ACE: variants seen among roughly 807,000 people sequenced by gnomAD.
ACE encodes angiotensin I converting enzyme.
A neutral mutation model predicts 162.3 loss-of-function variants in ACE; 122 were observed. That is an observed-to-expected ratio of 0.75 (90% CI 0.65 to 0.87). The LOEUF is 0.87. ACE is among the 40% of genes least tolerant of loss of function. ACE has a pLI of 0.00. For synonymous variants in ACE, 796 were observed against 720.6 expected (o/e 1.10, Z -1.68); for missense variants, 1,799 against 1,735.1 (o/e 1.04, Z -0.65).
rs558710175 is a variant in ACE at position 63,485,646 on chromosome 17, A to G, written c.2058+274A>G. 1.2e-3 allele frequency: 504 copies of G among 420,284 alleles called. 2 individuals are homozygous for G. Among genetic ancestry groups the G allele is most frequent in the Middle Eastern group, 2.4e-3 (3 of 1,250 alleles). 26.0% of individuals were successfully genotyped at this position (420,284 alleles called of 1,614,324 possible). A position where few individuals can be genotyped will look rare whatever the true frequency, so the allele number is the denominator to read the frequency against. ...CAAAAATTAGCCGGGTGTGGTGGCG[A>G]GCACCTGTAGTCCCAGTACTCAGGA... On this transcript the variant is annotated intron_variant, in intron 13 of 24. Transcript: ENST00000290866.
chr17:63,481,253 C>A, intron 6 of ACE, 65 bp downstream of exon 6: 1 of 1,428,910 alleles, frequency 7.0e-7, no homozygotes, highest in Non-Finnish European at 9.8e-7. Flanking sequence ...AAGGGAGTCA[C>A]AGATGGGCAC....
chr17:63,493,834 A>G lies in ACE; in HGVS notation c.3137-88A>G, dbSNP rs1054468854. 9 of 1,596,448 alleles carry G rather than the reference A, an allele frequency of 5.6e-6. No individual in the cohort carries two copies. The African/African-American group carries it at 1.1e-4, about 19-fold the overall frequency. ...GCAGGTCACAGGGCCCAAAAGGTAC[A>G]GCACCCCCACCCCTCCACCATCACA... On this transcript the variant is annotated intron_variant, in intron 20 of 24. Coordinates refer to ENST00000290866, the MANE Select transcript of ACE (RefSeq NM_000789.4).
intron 22 of ACE, 153 bp from the exon 23 acceptor site, chr17:63,496,241 C>A: frequency 2.6e-6 from 3 of 1,158,436 alleles, no homozygotes; most frequent in Non-Finnish European, 3.8e-6. Flanking sequence ...GGGAGCTCAC[C>A]CTGATAGCTG....
At chr17:63,480,223 T>A in intron 4 of ACE, 114 bp from the exon 5 acceptor site, 1 of 1,192,100 alleles carries the variant, frequency 8.4e-7, no homozygotes, top group African/African-American at 1.5e-5. Flanking sequence ...AAGCCAATTT[T>A]CCAGCTAGCT....
intron 22 of ACE, among the ~76,000 whole-genome samples, chr17:63,495,284 C>T (rs1056626538): frequency 6.6e-6 from 1 of 152,100 alleles, no homozygotes; most frequent in African/African-American, 2.4e-5. Flanking sequence ...GTTTGTGATC[C>T]GGGAGGCTCC....
Position 63,477,998 on chromosome 17 carries a change from A to C in ACE, c.317A>C (p.Glu106Ala). Residue 106 changes from glutamate (E) to alanine (A), a missense_variant, in exon 2 of 25, where the codon GAA (glutamate) becomes GCA (alanine). Physicochemically the swap from Glu to Ala is moderately radical, Grantham distance 107. Coordinates refer to ENST00000290866, the MANE Select transcript of ACE (RefSeq NM_000789.4). ...GGCCAGAAGGCCAAGGAGCTGTATG[A>C]ACCGATCTGGCAGAACTTCACGGAC... The part of the protein sequence containing the change: ...AWGQKAKELY[E>A]PIWQNFTDPQ... 6.2e-7 allele frequency: 1 copy of C among 1,612,146 alleles called. No individual in the cohort carries two copies. Among genetic ancestry groups the C allele is most frequent in the Non-Finnish European group, 8.5e-7 (1 of 1,179,432 alleles).
chr17:63,490,960 T>C lies in ACE; in HGVS notation c.2648T>C (p.Met883Thr), dbSNP rs1267969615. The change falls in exon 18 of 25, where the codon ATG becomes ACG. Residue 883 changes from methionine to threonine, a missense_variant. Transcript: ENST00000290866. ...CCCCCACACTCGCCTCCAGGGAACA[T>C]GTGGGCGCAGACCTGGTCCAACATC... ...GPIPAHLLGN[M>T]WAQTWSNIYD... is the part of the protein sequence containing the mutation. 1.2e-6 allele frequency: 2 copies of C among 1,614,148 alleles called. No homozygotes were observed. The highest frequency in any genetic ancestry group is 1.7e-5 in the Admixed American group (1 of 60,038).
Position 63,478,114 on chromosome 17 carries a change from A to C in ACE, c.417+16A>C. 2 of 1,568,508 alleles carry C rather than the reference A, an allele frequency of 1.3e-6. No individual in the cohort carries two copies. The highest frequency in any genetic ancestry group is 1.7e-6 in the Non-Finnish European group (2 of 1,156,842). On this transcript the variant is annotated intron_variant, in intron 2 of 24. Coordinates refer to ENST00000290866, the MANE Select transcript of ACE (RefSeq NM_000789.4). ...GCGGCAGCAGGTGGGCTGAGGGCTG[A>C]GGCAGAGCTCGGGGGCGGCCTCCTA...
intron 3 of ACE, 35 bp downstream of exon 3, chr17:63,479,135 C>T (rs1220410048): frequency 6.5e-7 from 1 of 1,532,052 alleles, no homozygotes; most frequent in Non-Finnish European, 8.9e-7. Context: ...CGGCGGTGCC[C>T]TAGTGTTCCC....
chr17:63,493,025 C>A (rs1351379146), intron 19 of ACE, among the ~76,000 whole-genome samples: 3 of 152,164 alleles, frequency 2.0e-5, no homozygotes, highest in Non-Finnish European at 4.4e-5. Context: ...CACTCTCACC[C>A]CTGACAGAAA....
chr17:63,483,480 G>A lies in ACE; in HGVS notation c.1508G>A (p.Cys503Tyr). 2.5e-6 allele frequency: 4 copies of A among 1,614,054 alleles called. No homozygotes were observed. In the South Asian group the frequency reaches 4.4e-5, roughly 18 times the overall value. ...TCCAGAACCAAGTATCAGGGGATCT[G>A]TCCTCCTGTTACCCGAAACGAAACC... Reference protein sequence around the residue: ...WYLRTKYQGICPPVTRNETHF... With the variant: ...WYLRTKYQGIYPPVTRNETHF... Residue 503 changes from cysteine to tyrosine, a missense_variant, in exon 10 of 25, where the codon TGT becomes TAT. Coordinates refer to ENST00000290866, the MANE Select transcript of ACE (RefSeq NM_000789.4).
chr17:63,496,721 A>G (rs2030757735), intron 23 of ACE, 77 bp from the exon 24 acceptor site: 8 of 1,594,960 alleles, frequency 5.0e-6, no homozygotes, highest in South Asian at 2.2e-5. Flanking sequence ...GGGAGTGGGT[A>G]TGGAGAGTGG....
Position 63,488,708 on chromosome 17 carries a change from G to A in ACE, c.2366G>A (p.Gly789Asp), listed in dbSNP as rs953051570. 3 of 1,613,580 alleles carry A rather than the reference G, an allele frequency of 1.9e-6. No individual in the cohort carries two copies. Among genetic ancestry groups the A allele is most frequent in the African/African-American group, 1.3e-5 (1 of 74,774 alleles). ...GAAGACCTGTTATGGGCATGGGAGG[G>A]CTGGCGAGACAAGGCGGGGAGAGCC... ...KYEDLLWAWE[G>D]WRDKAGRAIL... Residue 789 changes from glycine to aspartate, a missense_variant, in exon 16 of 25, where the codon GGC (glycine) becomes GAC (aspartate). Transcript: ENST00000290866.
intron 13 of ACE, 61 bp downstream of exon 13, chr17:63,485,433 C>G: frequency 6.2e-7 from 1 of 1,601,788 alleles, no homozygotes; most frequent in Non-Finnish European, 8.5e-7. Flanking sequence ...GATGCTGTCC[C>G]GCTCACCACA....
Position 63,497,398 on chromosome 17 carries a change from G to A in ACE, c.*32G>A, listed in dbSNP as rs1408321457. 9.8e-6 allele frequency: 15 copies of A among 1,533,062 alleles called. No homozygotes were observed. Among genetic ancestry groups the A allele is most frequent in the East Asian group, 2.4e-5 (1 of 40,824 alleles). The allele number at this position is 1,533,062 out of a possible 1,614,324, so 95.0% of individuals were successfully genotyped here. On this transcript the variant is annotated 3_prime_UTR_variant, in exon 25 of 25. Transcript: ENST00000290866. ...CCGGCTGGGTCGGCCCTGCCCAAGG[G>A]CCTCCCACCAGAGACTGGGATGGGA...
rs1229041283 is a variant in ACE at position 63,482,597 on chromosome 17, A to G, written c.1250A>G (p.His417Arg). Residue 417 changes from histidine (H) to arginine (R), a missense_variant, in exon 8 of 25, where the codon CAT (histidine) becomes CGT (arginine). Coordinates refer to ENST00000290866, the MANE Select transcript of ACE (RefSeq NM_000789.4). ...CGTCGGGGGGCCAACCCCGGCTTCC[A>G]TGAGGCCATTGGGGACGTGCTGGCG... is the stretch of plus-strand genomic sequence containing the variant. ...SLRRGANPGF[H>R]EAIGDVLALS... 4.3e-6 allele frequency: 7 copies of G among 1,613,994 alleles called. No individual in the cohort carries two copies. Among genetic ancestry groups the G allele is most frequent in the African/African-American group, 2.7e-5 (2 of 74,930 alleles).
At chr17:63,486,895 C>G in intron 14 of ACE, 91 bp from the exon 15 acceptor site, 6 of 1,477,838 alleles carry the variant, frequency 4.1e-6, no homozygotes, top group Non-Finnish European at 5.7e-6. Context: ...TGGCTCCCCA[C>G]CTGCCAGCCC....
rs1055333381 is a variant in ACE at position 63,478,065 on chromosome 17, C to T, written c.384C>T (p.Gly128=). The T allele has an allele frequency of 1.3e-6, 2 of 1,596,026 alleles. No individual in the cohort carries two copies. Among genetic ancestry groups the T allele is most frequent in the African/African-American group, 1.3e-5 (1 of 74,564 alleles). Residue 128 remains glycine (G), a synonymous_variant, in exon 2 of 25, where the codon GGC becomes GGT. Coordinates refer to ENST00000290866, the MANE Select transcript of ACE (RefSeq NM_000789.4). ...RRIIGAVRTL[G]SANLPLAKRQ... ...TCATCGGAGCTGTGCGCACCCTGGG[C>T]TCTGCCAACCTGCCCCTGGCTAAGC...
chr17:63,487,090 A>G lies in ACE; in HGVS notation c.2305+17A>G. On this transcript the variant is annotated intron_variant, in intron 15 of 24. Coordinates refer to ENST00000290866, the MANE Select transcript of ACE (RefSeq NM_000789.4). Reference sequence around the variant, plus strand: ...TCGAGCCAGGTGAGAGCTCATGTGCAGGCTGAGTGAGAGGCGAGGGCTGGG... The same window carrying G: ...TCGAGCCAGGTGAGAGCTCATGTGCGGGCTGAGTGAGAGGCGAGGGCTGGG... 1.2e-6 allele frequency: 2 copies of G among 1,611,146 alleles called. No homozygotes were observed. The highest frequency in any genetic ancestry group is 1.7e-6 in the Non-Finnish European group (2 of 1,178,036).
Sources: gnomAD v4.1 joint callset for allele counts (sites outside exome capture counted in the v4.1 genomes callset) on GRCh38, gnomAD v4.1.1 for gene constraint, MANE v1.5 for transcripts, NCBI Gene and HGNC (gene_info 2026-07-23, HGNC 2026-07-21) for gene names.